CRADD: variants seen among roughly 807,000 people sequenced by gnomAD.
CRADD encodes CARD and death domain containing adaptor protein.
In CRADD, 9 loss-of-function variants were observed where a neutral mutation model predicts 15.5. That is an observed-to-expected ratio of 0.58 (90% CI 0.35 to 1.01). CRADD has a LOEUF of 1.01. Ranked by LOEUF, CRADD falls within the 50% of genes least tolerant of loss-of-function variation. The pLI, the probability that CRADD is intolerant of heterozygous loss-of-function variation, is 0.02. For missense variants in CRADD, 227 were observed against 250.3 expected (o/e 0.91, Z 0.63); for synonymous variants, 118 against 107.6 (o/e 1.10, Z -0.60).
chr12:93,836,619 T>C (rs746042715), intron 2 of CRADD, among the ~76,000 whole-genome samples: 5 of 152,366 alleles, frequency 3.3e-5, no homozygotes, highest in Non-Finnish European at 5.9e-5. Flanking sequence ...TGCAATGTAA[T>C]TTCTCTGGTT....
downstream of CRADD, among the ~76,000 whole-genome samples, chr12:93,852,845 G>GTGTGTT (rs1000327585): frequency 4.6e-5 from 7 of 151,338 alleles, no homozygotes; most frequent in Non-Finnish European, 8.9e-5. Flanking sequence ...GAGTGTGTGT[G>GTGTGTT]TGTGTGTGTG....
At chr12:93,823,552 T>C (rs1957791961) in intron 2 of CRADD, among the ~76,000 whole-genome samples, 1 of 152,244 alleles carries the variant, frequency 6.6e-6, no homozygotes, top group Non-Finnish European at 1.5e-5. Context: ...CTTTTTCTTT[T>C]AAGAATTCTC....
chr12:93,736,768 C>T (rs1396595634), intron 2 of CRADD, among the ~76,000 whole-genome samples: 6 of 152,230 alleles, frequency 3.9e-5, no homozygotes, highest in African/African-American at 1.4e-4. Context: ...TTGCAGATAA[C>T]AGCATGAGAA....
chr12:93,688,291 T>A (rs1304273899), intron 2 of CRADD, among the ~76,000 whole-genome samples: 1 of 152,054 alleles, frequency 6.6e-6, no homozygotes, highest in Non-Finnish European at 1.5e-5. Flanking sequence ...TCACATGAGG[T>A]CAGGAGTTCA....
At chr12:93,717,906 T>G (rs1956190282) in intron 2 of CRADD, among the ~76,000 whole-genome samples, 1 of 152,210 alleles carries the variant, frequency 6.6e-6, no homozygotes, top group Non-Finnish European at 1.5e-5. Context: ...GATGTTCAGT[T>G]GTTCCAGCAC....
intron 2 of CRADD, among the ~76,000 whole-genome samples, chr12:93,764,177 C>G (rs943864713): frequency 1.5e-5 from 2 of 130,234 alleles, no homozygotes; most frequent in Non-Finnish European, 3.2e-5. Flanking sequence ...CAGACATGAT[C>G]AACTTTTTTT....
At chr12:93,691,438 G>C (rs1955570357) in intron 2 of CRADD, among the ~76,000 whole-genome samples, 2 of 152,034 alleles carry the variant, frequency 1.3e-5, no homozygotes, top group African/African-American at 4.8e-5. Flanking sequence ...ATTGTTAGTA[G>C]AGACAGGGTT....
chr12:93,769,269 A>AGGTG (rs1259051063), intron 2 of CRADD, among the ~76,000 whole-genome samples: 1 of 151,972 alleles, frequency 6.6e-6, no homozygotes, highest in African/African-American at 2.4e-5. Flanking sequence ...TTTTTTGTAG[A>AGGTG]GGTGGGGTTT....
At chr12:93,830,537 CTGTT>C (rs755473963) in intron 2 of CRADD, among the ~76,000 whole-genome samples, 4 of 152,194 alleles carry the variant, frequency 2.6e-5, no homozygotes, top group South Asian at 2.1e-4. Flanking sequence ...ATCTGGAAAA[CTGTT>C]TGATTTTGAG....
At chr12:93,731,130 AG>A (rs751890051) in intron 2 of CRADD, among the ~76,000 whole-genome samples, 1 of 152,388 alleles carries the variant, frequency 6.6e-6, no homozygotes, top group East Asian at 1.9e-4. Context: ...ACATATGCCA[AG>A]AAAAAAGTCT....
chr12:93,800,268 A>G (rs1957462893), intron 2 of CRADD, among the ~76,000 whole-genome samples: 1 of 152,176 alleles, frequency 6.6e-6, no homozygotes, highest in African/African-American at 2.4e-5. Flanking sequence ...GGAATGTCCA[A>G]GAAGAGTGCT....
At chr12:93,725,780 G>A (rs1185851922) in intron 2 of CRADD, among the ~76,000 whole-genome samples, 1 of 152,170 alleles carries the variant, frequency 6.6e-6, no homozygotes, top group East Asian at 1.9e-4. Flanking sequence ...ATTTGAATAG[G>A]AAAGTAGGTG....
chr12:93,704,799 T>G (rs1272020317), intron 2 of CRADD, among the ~76,000 whole-genome samples: 1 of 152,176 alleles, frequency 6.6e-6, no homozygotes, highest in Admixed American at 6.5e-5. Context: ...CTTCTCCCTG[T>G]AGCCCAGCAC....
chr12:93,684,067 G>T (rs962606870), intron 2 of CRADD, among the ~76,000 whole-genome samples: 1 of 152,130 alleles, frequency 6.6e-6, no homozygotes, highest in African/African-American at 2.4e-5. Context: ...TACCCAGCCC[G>T]ATTTTCATAT....
intron 2 of CRADD, among the ~76,000 whole-genome samples, chr12:93,814,687 C>T (rs1282095475): frequency 3.9e-5 from 6 of 152,154 alleles, no homozygotes; most frequent in Non-Finnish European, 8.8e-5. Flanking sequence ...TCCAGCTTCG[C>T]CTGCCACCAA....
At chr12:93,827,046 CA>C (rs1040053492) in intron 2 of CRADD, among the ~76,000 whole-genome samples, 3 of 152,090 alleles carry the variant, frequency 2.0e-5, no homozygotes, top group East Asian at 1.9e-4. Context: ...AAAATAAACC[CA>C]AAAAAACCCC....
At chr12:93,797,577 A>G (rs1247325938) in intron 2 of CRADD, among the ~76,000 whole-genome samples, 5 of 152,134 alleles carry the variant, frequency 3.3e-5, no homozygotes, top group Non-Finnish European at 5.9e-5. Context: ...TTGAAGGGCA[A>G]TAAGAATCCC....
intron 2 of CRADD, among the ~76,000 whole-genome samples, chr12:93,821,400 T>G (rs1287225613): frequency 6.6e-6 from 1 of 152,210 alleles, no homozygotes; most frequent in Non-Finnish European, 1.5e-5. Context: ...CACATCGGTC[T>G]CTAGGTCATG....
chr12:93,820,465 C>T (rs932280019), intron 2 of CRADD, among the ~76,000 whole-genome samples: 3 of 151,596 alleles, frequency 2.0e-5, no homozygotes, highest in African/African-American at 4.9e-5. Context: ...AGGAGAATGG[C>T]GTGAACTCAG....
Sources: allele counts gnomAD v4.1 joint callset (sites outside exome capture counted in the v4.1 genomes callset), GRCh38; gene constraint gnomAD v4.1.1; transcripts MANE v1.5; gene names NCBI Gene and HGNC (gene_info 2026-07-23, HGNC 2026-07-21).